The following RAPGEF6 variants were observed in gnomAD, a reference collection of about 807,000 sequenced individuals.
The protein encoded by RAPGEF6 is Rap guanine nucleotide exchange factor 6.
In RAPGEF6, 56 loss-of-function variants were observed where a neutral mutation model predicts 171.4. The ratio of observed to expected loss-of-function variants is 0.33; its 90% CI spans 0.26 to 0.41. The LOEUF (loss-of-function observed/expected upper bound fraction) is 0.41, where lower values mean the gene tolerates loss of function less well. Ranked by LOEUF, RAPGEF6 falls within the 10% of genes least tolerant of loss-of-function variation. The probability of loss-of-function intolerance (pLI) is 1.00; values close to 1 mark genes in which losing one functional copy is unlikely to be tolerated. For synonymous variants in RAPGEF6, 692 were observed against 650.1 expected (o/e 1.06, Z -0.98); for missense variants, 1,674 against 1,921.4 (o/e 0.87, Z 2.41).
intron 6 of RAPGEF6, among the ~76,000 whole-genome samples, chr5:131,542,419 T>C (rs1202301310): frequency 6.6e-6 from 1 of 152,108 alleles, no homozygotes; most frequent in Non-Finnish European, 1.5e-5. Context: ...AAGACAGACA[T>C]ACAAAGGTCA....
chr5:131,598,377 G>A (rs1764027289), intron 3 of RAPGEF6, among the ~76,000 whole-genome samples: 1 of 152,094 alleles, frequency 6.6e-6, no homozygotes, highest in Non-Finnish European at 1.5e-5. Context: ...AAACAGGACA[G>A]AAGCAATAAT....
intron 7 of RAPGEF6, among the ~76,000 whole-genome samples, chr5:131,517,809 AC>A (rs1758197670): frequency 6.7e-6 from 1 of 149,994 alleles, no homozygotes; most frequent in Non-Finnish European, 1.5e-5. Context: ...ACACACACAC[AC>A]ACACACACAC....
chr5:131,509,611 T>C (rs1221352814), intron 8 of RAPGEF6, among the ~76,000 whole-genome samples: 1 of 152,152 alleles, frequency 6.6e-6, no homozygotes, highest in Non-Finnish European at 1.5e-5. Context: ...ATATAAGGTT[T>C]TAAAAAATCT....
chr5:131,613,444 C>A (rs533262973), intron 1 of RAPGEF6, among the ~76,000 whole-genome samples: 40 of 149,392 alleles, frequency 2.7e-4, no homozygotes, highest in Admixed American at 1.7e-3. Context: ...TCTCTCTCTT[C>A]ATATATATAT....
intron 1 of RAPGEF6, among the ~76,000 whole-genome samples, chr5:131,629,875 T>C (rs189369577): frequency 3.9e-5 from 6 of 152,246 alleles, no homozygotes; most frequent in Admixed American, 2.6e-4. Flanking sequence ...CTGCCTCTTA[T>C]GCATTAGTAA....
At chr5:131,444,985 A>G (rs1276273105) in intron 22 of RAPGEF6, among the ~76,000 whole-genome samples, 1 of 152,246 alleles carries the variant, frequency 6.6e-6, no homozygotes, top group East Asian at 1.9e-4. Context: ...AAAGCTCTCA[A>G]TAACTGTTAG....
At chr5:131,472,514 C>T in intron 17 of RAPGEF6, 73 bp downstream of exon 17, 2 of 1,520,268 alleles carry the variant, frequency 1.3e-6, no homozygotes, top group Non-Finnish European at 1.8e-6. Context: ...CTAGCACTTG[C>T]TGCACAAGGC....
At chr5:131,480,727 C>T (rs1755414888) in intron 15 of RAPGEF6, among the ~76,000 whole-genome samples, 1 of 152,146 alleles carries the variant, frequency 6.6e-6, no homozygotes, top group Admixed American at 6.5e-5. Context: ...GATTCGCCCA[C>T]CTCGGCCTCC....
At chr5:131,510,236 G>T in intron 8 of RAPGEF6, 78 bp downstream of exon 8, 9 of 1,369,644 alleles carry the variant, frequency 6.6e-6, no homozygotes, top group Non-Finnish European at 8.9e-6. Flanking sequence ...TTAAGTTTTA[G>T]AATAATTTGT....
chr5:131,590,498 T>C (rs904941854), intron 4 of RAPGEF6, among the ~76,000 whole-genome samples: 3 of 152,256 alleles, frequency 2.0e-5, no homozygotes, highest in African/African-American at 7.2e-5. Context: ...TGATGCTTAA[T>C]ATATGCTAAG....
At chr5:131,619,088 T>C in intron 1 of RAPGEF6, among the ~76,000 whole-genome samples, 1 of 150,718 alleles carries the variant, frequency 6.6e-6, no homozygotes, top group African/African-American at 2.4e-5. Flanking sequence ...AAGGAGACTA[T>C]GGTAACCAAA....
At chr5:131,611,683 A>AT (rs771109148) in intron 1 of RAPGEF6, among the ~76,000 whole-genome samples, 68 of 152,288 alleles carry the variant, frequency 4.5e-4, no homozygotes, top group African/African-American at 1.6e-3. Flanking sequence ...AAAAAGAGTC[A>AT]TTTTTTAAAC....
In RAPGEF6 at chr5:131,442,419, C is replaced by A. The variant is rs370517736; in HGVS notation, c.3540G>T (p.Gln1180His). 10 of 1,614,122 alleles carry A rather than the reference C, an allele frequency of 6.2e-6. No homozygotes were observed. The highest frequency in any genetic ancestry group is 5.9e-6 in the Non-Finnish European group (7 of 1,180,006). ...AHLHQPHRVS[Q>H]VLQVPAVNLH... ...AATTAACAGCTGGCACCTGAAGCAC[C>A]TGGCTTACTCTGTGGGGTTGATGCA... Residue 1180 changes from glutamine to histidine, a missense_variant, in exon 23 of 28, where the codon CAG (glutamine) becomes CAT (histidine). Gln to His is a conservative substitution (Grantham distance 24, BLOSUM62 0). Around this residue, in one of 3 missense-constraint regions of RAPGEF6, gnomAD observed 552 missense variants for 574.2 expected, o/e 0.96. Coordinates refer to ENST00000509018, the MANE Select transcript of RAPGEF6 (RefSeq NM_016340.6).
Position 131,460,892 on chromosome 5 carries a change from G to A in RAPGEF6, c.2864+813C>T, listed in dbSNP as rs189980968. Among the ~76,000 whole-genome samples the A allele has an allele frequency of 6.2e-4, 95 of 152,176 alleles. No homozygotes were observed. The Middle Eastern group carries it at 0.024, about 38-fold the overall frequency. On this transcript the variant is annotated intron_variant, in intron 19 of 27. Coordinates refer to ENST00000509018, the MANE Select transcript of RAPGEF6 (RefSeq NM_016340.6). ...AACAAATCATTATGAATTCTGTGGG[G>A]GATGTGTATAGGTAGGATTAGTTCA...
intron 6 of RAPGEF6, among the ~76,000 whole-genome samples, chr5:131,528,201 T>C (rs1759061804): frequency 7.9e-6 from 1 of 126,110 alleles, no homozygotes; most frequent in African/African-American, 3.1e-5. Flanking sequence ...TAATTATATA[T>C]ATTATATATA....
chr5:131,469,728 G>T, intron 17 of RAPGEF6: 2 of 1,146,338 alleles, frequency 1.7e-6, no homozygotes, highest in South Asian at 1.7e-5. Context: ...CTGTATCATT[G>T]GACTTTTAAA....
rs370740291 is a variant in RAPGEF6 at position 131,462,337 on chromosome 5, T to C, written c.2481-249A>G. On this transcript the variant is annotated intron_variant, in intron 18 of 27. Transcript: ENST00000509018. Reference sequence around the variant, plus strand: ...TGTTATGTCATGAACTTAATTATTTTATGAAACTATCTGTCAGATACTATT... The same window carrying C: ...TGTTATGTCATGAACTTAATTATTTCATGAAACTATCTGTCAGATACTATT... 4.4e-4 allele frequency among the ~76,000 whole-genome samples: 67 copies of C among 152,340 alleles called. No individual in the cohort carries two copies. The South Asian group carries it at 0.014, about 31-fold the overall frequency.
intron 25 of RAPGEF6, among the ~76,000 whole-genome samples, chr5:131,432,200 C>T (rs1291603): frequency 0.48 from 72,521 of 151,936 alleles, 20,206 homozygotes; most frequent in South Asian, 0.63. Context: ...ATTGCAGAGG[C>T]GAAAATATTT....
intron 4 of RAPGEF6, among the ~76,000 whole-genome samples, chr5:131,592,076 G>A (rs1352928721): frequency 6.6e-6 from 1 of 152,028 alleles, no homozygotes; most frequent in African/African-American, 2.4e-5. Flanking sequence ...GACTAGTCTC[G>A]AACTCCCGAC....
Sources: gnomAD v4.1 joint callset for allele counts (sites outside exome capture counted in the v4.1 genomes callset) on GRCh38, gnomAD v4.1.1 for gene constraint, gnomAD v4.1.1 regional missense constraint, MANE v1.5 for transcripts, NCBI Gene and HGNC (gene_info 2026-07-23, HGNC 2026-07-21) for gene names.